GAK: variants seen among roughly 807,000 people sequenced by gnomAD.
GAK encodes cyclin-G-associated kinase.
In GAK, 79 loss-of-function variants were observed where a neutral mutation model predicts 143.9. The ratio of observed to expected loss-of-function variants is 0.55; its 90% CI spans 0.46 to 0.66. The LOEUF (loss-of-function observed/expected upper bound fraction) is 0.66, where lower values mean the gene tolerates loss of function less well. Among genes scored for constraint, GAK ranks in the 30% least tolerant of loss-of-function variants. GAK has a pLI of 0.00. For synonymous variants in GAK, 881 were observed against 765.5 expected (o/e 1.15, Z -2.49); for missense variants, 1,693 against 1,779.7 (o/e 0.95, Z 0.88).
chr4:875,861 G>A (rs1713740436), intron 18 of GAK, among the ~76,000 whole-genome samples: 1 of 152,254 alleles, frequency 6.6e-6, no homozygotes. Context: ...AGAATCGCTT[G>A]AGCCTGGTGG....
chr4:876,738 G>C, intron 17 of GAK, 129 bp from the exon 18 acceptor site: 1 of 759,532 alleles, frequency 1.3e-6, no homozygotes, highest in South Asian at 1.6e-5. Flanking sequence ...CGGCGCCCCC[G>C]TGCCACATGT....
At chr4:859,467 G>C (rs752885488) in intron 24 of GAK, 139 bp downstream of exon 24, 7 of 1,600,414 alleles carry the variant, frequency 4.4e-6, no homozygotes, top group Non-Finnish European at 6.0e-6. Flanking sequence ...TGTCCCCTTG[G>C]GCTCACTGTG....
intron 18 of GAK, among the ~76,000 whole-genome samples, chr4:874,180 C>T (rs1407235961): frequency 6.6e-6 from 1 of 152,048 alleles, no homozygotes; most frequent in Non-Finnish European, 1.5e-5. Flanking sequence ...TGTGTTGGTG[C>T]TCCTGCTGTC....
At chr4:884,391 G>A (rs370561103) in intron 11 of GAK, 32 of 362,490 alleles carry the variant, frequency 8.8e-5, no homozygotes, top group Admixed American at 8.0e-4. Context: ...AGGGAGGCAC[G>A]GCCCAGGAGT....
chr4:875,331 A>C (rs1713621175), intron 18 of GAK, among the ~76,000 whole-genome samples: 2 of 152,270 alleles, frequency 1.3e-5, no homozygotes, highest in South Asian at 4.1e-4. Context: ...GTAAGACACA[A>C]CAAAGACAAG....
intron 1 of GAK, among the ~76,000 whole-genome samples, chr4:926,722 AG>A (rs1008420413): frequency 1.2e-4 from 19 of 152,252 alleles, no homozygotes; most frequent in Admixed American, 2.6e-4. Context: ...GTACCAGGAG[AG>A]CCGCCAGGGG....
At chr4:895,018 G>T (rs1718506859) in intron 7 of GAK, among the ~76,000 whole-genome samples, 1 of 112,964 alleles carries the variant, frequency 8.9e-6, no homozygotes, top group African/African-American at 3.6e-5. Context: ...AATAAATAAA[G>T]GTTCCTTTCA....
intron 10 of GAK, 100 bp from the exon 11 acceptor site, chr4:889,070 C>A: frequency 7.3e-7 from 1 of 1,373,120 alleles, no homozygotes; most frequent in Non-Finnish European, 9.6e-7. Context: ...TCGGTCCCAC[C>A]TCCCCAGGCG....
intron 7 of GAK, among the ~76,000 whole-genome samples, chr4:895,360 C>T (rs1050414658): frequency 3.3e-5 from 5 of 152,234 alleles, no homozygotes; most frequent in African/African-American, 9.6e-5. Flanking sequence ...GAGCTCACAC[C>T]GGGACCCCAG....
At position 893,986 on chromosome 4, in the gene GAK, C is replaced by A; in HGVS notation, c.765G>T (p.Leu255=). 6.2e-7 allele frequency: 1 copy of A among 1,610,536 alleles called. No homozygotes were observed. The highest frequency in any genetic ancestry group is 8.5e-7 in the Non-Finnish European group (1 of 1,178,692). Residue 255 remains leucine, a synonymous_variant, in exon 8 of 28, where the codon CTG becomes CTT. Coordinates refer to ENST00000314167, the MANE Select transcript of GAK (RefSeq NM_005255.4). The stretch of plus-strand genomic sequence containing the variant: ...CAAAAGGGTGCTGCCGGAAGCACAG[C>A]AGGTACAAGATGCAGCCCAGGGCCT... ...DIWALGCILY[L]LCFRQHPFED... is the part of the protein sequence containing the mutation.
chr4:929,851 T>C (rs1437086620), intron 1 of GAK, among the ~76,000 whole-genome samples: 1 of 152,236 alleles, frequency 6.6e-6, no homozygotes, highest in Non-Finnish European at 1.5e-5. Flanking sequence ...TGGTCTATCA[T>C]AATAACCTCA....
At chr4:883,563 G>T in intron 12 of GAK, 100 bp from the exon 13 acceptor site, 1 of 1,345,082 alleles carries the variant, frequency 7.4e-7, no homozygotes, top group Non-Finnish European at 1.0e-6. Context: ...GGCAAGCGCA[G>T]CCTCCGGCAG....
chr4:871,936 T>A (rs989796225), intron 18 of GAK, among the ~76,000 whole-genome samples: 22 of 152,146 alleles, frequency 1.4e-4, no homozygotes, highest in African/African-American at 5.3e-4. Context: ...CCACCTAAAA[T>A]CTCTACATGT....
At chr4:883,951 A>G in intron 12 of GAK, 86 bp downstream of exon 12, 4 of 1,290,574 alleles carry the variant, frequency 3.1e-6, no homozygotes, top group Non-Finnish European at 4.4e-6. Context: ...GAGCAGAGGC[A>G]CCTGTGCCCT....
In GAK at chr4:869,723, G is replaced by GCACGGTACACACGAATGCACA. The variant is rs1712068907; in HGVS notation, c.2248+987_2248+988insTGTGCATTCGTGTGTACCGTG. ...GAATGCACACACAGCACACACAGATGCACAGTACACATGAATGCACACAGT... is the reference window on the plus strand; with the variant it reads ...GAATGCACACACAGCACACACAGATGCACGGTACACACGAATGCACACACAGTACACATGAATGCACACAGT... On this transcript the variant is annotated intron_variant, in intron 19 of 27. Transcript: ENST00000314167. 13 of 142,050 alleles carry GCACGGTACACACGAATGCACA rather than the reference G, an allele frequency of 9.2e-5. 3 individuals are homozygous for GCACGGTACACACGAATGCACA. Among genetic ancestry groups the GCACGGTACACACGAATGCACA allele is most frequent in the South Asian group, 4.6e-4 (2 of 4,364 alleles). 8.8% of individuals were successfully genotyped at this position (142,050 alleles called of 1,614,324 possible).
intron 26 of GAK, 91 bp downstream of exon 26, chr4:850,844 TG>T: frequency 7.0e-7 from 1 of 1,420,394 alleles, no homozygotes; most frequent in African/African-American, 1.4e-5. Flanking sequence ...GGTTGCTGTC[TG>T]GAGACGCCGG....
rs1560401370 is a variant in GAK at position 902,600 on chromosome 4, A to AAAAAAAAAAAAC, written c.525+2036_525+2037insGTTTTTTTTTTT. Among the ~76,000 whole-genome samples, 5 of 148,942 alleles carry AAAAAAAAAAAAC rather than the reference A, an allele frequency of 3.4e-5. 1 individual carries two copies. Among genetic ancestry groups the AAAAAAAAAAAAC allele is most frequent in the African/African-American group, 1.2e-4 (5 of 40,328 alleles). On this transcript the variant is annotated intron_variant, in intron 5 of 27. Transcript: ENST00000314167. ...TGGGCTGTAGAGTGACTGACTCAAA[A>AAAAAAAAAAAAC]AAAAAAAAAAAAAACCCCAAAAAAC... is the stretch of plus-strand genomic sequence containing the variant.
At chr4:918,730 C>A (rs1723435011) in intron 1 of GAK, among the ~76,000 whole-genome samples, 1 of 152,246 alleles carries the variant, frequency 6.6e-6, no homozygotes, top group Non-Finnish European at 1.5e-5. Flanking sequence ...GATGCCATGA[C>A]TGGAAAGACA....
In GAK at chr4:881,916, G is replaced by A; in HGVS notation, c.1652C>T (p.Ser551Phe). The part of the protein sequence containing the change: ...MKRCPPGIWP[S>F]HKRYIEYMCD... ...GAGGGCCACGCAGTACCTTTTGTGG[G>A]ATGGCCAGATGCCTGGTGGGCAGCG... The change falls in exon 15 of 28, where the codon TCC (serine) becomes TTC (phenylalanine). Residue 551 changes from serine (S) to phenylalanine (F), a missense_variant. By Grantham distance (155) the Ser-to-Phe change is radical. Coordinates refer to ENST00000314167, the MANE Select transcript of GAK (RefSeq NM_005255.4). The A allele has an allele frequency of 6.3e-7, 1 of 1,588,784 alleles. No individual in the cohort carries two copies. Among genetic ancestry groups the A allele is most frequent in the Non-Finnish European group, 8.6e-7 (1 of 1,167,242 alleles).
Sources: allele counts gnomAD v4.1 joint callset (sites outside exome capture counted in the v4.1 genomes callset), GRCh38; gene constraint gnomAD v4.1.1; transcripts MANE v1.5; gene names NCBI Gene and HGNC (gene_info 2026-07-23, HGNC 2026-07-21).